Variants in DISP1 observed in about 807,000 individuals in gnomAD.
DISP1 encodes dispatched RND transporter family member 1.
Under a neutral mutation model 37.3 loss-of-function variants are expected in DISP1, and 30 were observed. That is an observed-to-expected ratio of 0.80 (90% CI 0.60 to 1.09). The LOEUF (loss-of-function observed/expected upper bound fraction) is 1.09, where lower values mean the gene tolerates loss of function less well. DISP1 is among the 50% of genes least tolerant of loss of function. The pLI, the probability that DISP1 is intolerant of heterozygous loss-of-function variation, is 0.00. For missense variants in DISP1, 1,598 were observed against 1,879.5 expected (o/e 0.85, Z 2.77); for synonymous variants, 634 against 690.2 (o/e 0.92, Z 1.28).
intron 1 of DISP1, among the ~76,000 whole-genome samples, chr1:222,817,346 A>C (rs552617579): frequency 6.6e-6 from 1 of 152,344 alleles, no homozygotes; most frequent in South Asian, 2.1e-4. Context: ...GATAACCAAA[A>C]CACTGTCTTC....
intron 3 of DISP1, among the ~76,000 whole-genome samples, chr1:222,948,807 A>G (rs1433539669): frequency 6.6e-6 from 1 of 152,192 alleles, no homozygotes; most frequent in Non-Finnish European, 1.5e-5. Flanking sequence ...ATCAATTTTT[A>G]TTGTTATTTG....
chr1:222,927,071 G>A (rs75606735), intron 1 of DISP1, among the ~76,000 whole-genome samples: 1 of 151,822 alleles, frequency 6.6e-6, no homozygotes, highest in Non-Finnish European at 1.5e-5. Flanking sequence ...GGGTCATATG[G>A]TAGTTCTATG....
intron 1 of DISP1, among the ~76,000 whole-genome samples, chr1:222,926,762 C>T (rs757210326): frequency 2.0e-5 from 3 of 152,022 alleles, no homozygotes; most frequent in Non-Finnish European, 2.9e-5. Flanking sequence ...TTCAGCATTA[C>T]ACTTGGGGGC....
intron 1 of DISP1, chr1:222,827,654 G>A (rs1189502813): frequency 6.6e-6 from 1 of 151,958 alleles, no homozygotes; most frequent in African/African-American, 2.4e-5. Context: ...TTTATTTCTA[G>A]AACTGAGGTC....
intron 1 of DISP1, among the ~76,000 whole-genome samples, chr1:222,832,071 G>A (rs1665892873): frequency 6.6e-6 from 1 of 152,022 alleles, no homozygotes; most frequent in Non-Finnish European, 1.5e-5. Flanking sequence ...CTTGAGGTCA[G>A]GAGTTAAAAA....
intron 3 of DISP1, among the ~76,000 whole-genome samples, chr1:222,953,274 C>T (rs1485097321): frequency 6.6e-6 from 1 of 152,144 alleles, no homozygotes; most frequent in African/African-American, 2.4e-5. Flanking sequence ...CCCTTCTGTT[C>T]TCCATTTTTG....
intron 1 of DISP1, among the ~76,000 whole-genome samples, chr1:222,836,159 C>G (rs1666972960): frequency 1.3e-5 from 2 of 152,048 alleles, no homozygotes; most frequent in Admixed American, 1.3e-4. Context: ...GTAAACATAA[C>G]TGGGGGGAAA....
intron 3 of DISP1, among the ~76,000 whole-genome samples, chr1:222,966,735 T>A (rs1006858284): frequency 3.9e-5 from 6 of 152,018 alleles, no homozygotes; most frequent in African/African-American, 1.5e-4. Flanking sequence ...GTGATCTGAG[T>A]GGTGGTTACA....
At chr1:222,890,520 A>G (rs540080858) in intron 1 of DISP1, among the ~76,000 whole-genome samples, 29 of 152,274 alleles carry the variant, frequency 1.9e-4, no homozygotes, top group Non-Finnish European at 2.4e-4. Flanking sequence ...TGTTTATGAG[A>G]GCTGATAAAT....
intron 1 of DISP1, among the ~76,000 whole-genome samples, chr1:222,860,785 T>C (rs1668837442): frequency 6.6e-6 from 1 of 151,934 alleles, no homozygotes; most frequent in East Asian, 1.9e-4. Context: ...CCTGAGGGGC[T>C]GAGGCAGGAG....
intron 2 of DISP1, among the ~76,000 whole-genome samples, chr1:222,938,032 C>T (rs1456531801): frequency 6.6e-6 from 1 of 151,962 alleles, no homozygotes; most frequent in African/African-American, 2.4e-5. Flanking sequence ...CAACACCATG[C>T]TCAGCTAACT....
At chr1:222,989,312 G>T (rs964943827) in intron 4 of DISP1, 3 of 941,592 alleles carry the variant, frequency 3.2e-6, no homozygotes, top group African/African-American at 3.5e-5. Context: ...TGAGAGTAGT[G>T]GTCCACAAGT....
intron 1 of DISP1, among the ~76,000 whole-genome samples, chr1:222,873,920 C>G (rs2125351477): frequency 6.6e-6 from 1 of 152,054 alleles, no homozygotes; most frequent in African/African-American, 2.4e-5. Flanking sequence ...ACCGGTTGTT[C>G]CTTTCCATGT....
intron 3 of DISP1, among the ~76,000 whole-genome samples, chr1:222,959,664 C>T (rs2102584121): frequency 7.0e-6 from 1 of 143,436 alleles, no homozygotes; most frequent in South Asian, 2.2e-4. Flanking sequence ...TGTGCCATTG[C>T]ACTCCAGCCT....
chr1:222,992,667 G>A (rs1678781276), intron 7 of DISP1, among the ~76,000 whole-genome samples: 1 of 152,116 alleles, frequency 6.6e-6, no homozygotes, highest in African/African-American at 2.4e-5. Flanking sequence ...AAGTTTGAAT[G>A]CCTCAGGGGC....
chr1:222,899,186 T>C (rs2125401631), intron 1 of DISP1, among the ~76,000 whole-genome samples: 1 of 152,308 alleles, frequency 6.6e-6, no homozygotes, highest in Non-Finnish European at 1.5e-5. Flanking sequence ...TTTAATACAG[T>C]CTTTCCATGT....
chr1:222,823,439 A>G (rs1275512334), intron 1 of DISP1, among the ~76,000 whole-genome samples: 1 of 152,218 alleles, frequency 6.6e-6, no homozygotes, highest in Non-Finnish European at 1.5e-5. Flanking sequence ...TAGAAAGTCA[A>G]ATACTACATG....
Position 222,918,721 on chromosome 1 carries a change from A to T in DISP1, c.-158-9709A>T, listed in dbSNP as rs556909686. 2.0e-5 allele frequency among the ~76,000 whole-genome samples: 3 copies of T among 152,342 alleles called. No individual in the cohort carries two copies. In the South Asian group the frequency reaches 6.2e-4, roughly 32 times the overall value. On this transcript the variant is annotated intron_variant, in intron 1 of 8. Transcript: ENST00000675850. ...TGAGGATTGATTTTTTTACTGTGCT[A>T]TTGCACGAGAAGAATAAACCTTGAT...
intron 3 of DISP1, among the ~76,000 whole-genome samples, chr1:222,965,711 G>GT (rs1203314334): frequency 6.6e-6 from 1 of 151,826 alleles, no homozygotes; most frequent in African/African-American, 2.4e-5. Context: ...ATCTCACTCA[G>GT]TTTTTTTCTT....
Sources: gnomAD v4.1 joint callset for allele counts (sites outside exome capture counted in the v4.1 genomes callset) on GRCh38, gnomAD v4.1.1 for gene constraint, MANE v1.5 for transcripts, NCBI Gene and HGNC (gene_info 2026-07-23, HGNC 2026-07-21) for gene names.